Variants in RNF13 observed in about 807,000 individuals in gnomAD.
RNF13 encodes the protein E3 ubiquitin-protein ligase RNF13.
A neutral mutation model predicts 37.7 loss-of-function variants in RNF13; 19 were observed. The ratio of observed to expected loss-of-function variants is 0.50; its 90% CI spans 0.35 to 0.74. The LOEUF is 0.74. Among genes scored for constraint, RNF13 ranks in the 30% least tolerant of loss-of-function variants. The probability of loss-of-function intolerance (pLI) is 0.01; values close to 1 mark genes in which losing one functional copy is unlikely to be tolerated. For synonymous variants in RNF13, 144 were observed against 157.8 expected (o/e 0.91, Z 0.65); for missense variants, 375 against 453.0 (o/e 0.83, Z 1.56).
At position 149,839,817 on chromosome 3, in the gene RNF13, G is replaced by A. The variant is rs535330740; in HGVS notation, c.-16-6194G>A. Among the ~76,000 whole-genome samples the A allele has an allele frequency of 3.3e-5, 5 of 152,200 alleles. No homozygotes were observed. The East Asian group carries it at 5.8e-4, about 18-fold the overall frequency. On this transcript the variant is annotated intron_variant, in intron 1 of 9. Transcript: ENST00000392894. The stretch of plus-strand genomic sequence containing the variant: ...ATATTTCCGTTGTCTCCATTATTCC[G>A]AAAATGTATTTTTATTGTTGGTTTA...
At chr3:149,937,779 G>T (rs901849847) in intron 8 of RNF13, among the ~76,000 whole-genome samples, 3 of 152,024 alleles carry the variant, frequency 2.0e-5, no homozygotes, top group South Asian at 4.1e-4. Flanking sequence ...TAACTCCATT[G>T]TGCTCTGCAT....
At chr3:149,822,978 A>T (rs977008313) in intron 1 of RNF13, among the ~76,000 whole-genome samples, 1 of 152,118 alleles carries the variant, frequency 6.6e-6, no homozygotes, top group Admixed American at 6.5e-5. Context: ...TTTCATTATG[A>T]ATAGAAATGT....
At chr3:149,826,860 G>A (rs1392576784) in intron 1 of RNF13, among the ~76,000 whole-genome samples, 2 of 152,092 alleles carry the variant, frequency 1.3e-5, no homozygotes, top group Non-Finnish European at 1.5e-5. Context: ...GGGCTCAAAC[G>A]ATCCTCATGC....
intron 3 of RNF13, among the ~76,000 whole-genome samples, chr3:149,854,509 A>G (rs895891892): frequency 5.3e-5 from 8 of 152,238 alleles, no homozygotes; most frequent in African/African-American, 1.7e-4. Flanking sequence ...AATTCTTACA[A>G]TGGAATCCGC....
chr3:149,923,764 C>CAAAGAA (rs1718381009), intron 8 of RNF13, among the ~76,000 whole-genome samples: 1 of 55,002 alleles, frequency 1.8e-5, no homozygotes, highest in Non-Finnish European at 3.7e-5. Flanking sequence ...GACTCCATCT[C>CAAAGAA]AAAAAAAAAA....
chr3:149,824,401 T>G (rs543883768), intron 1 of RNF13, among the ~76,000 whole-genome samples: 1 of 152,236 alleles, frequency 6.6e-6, no homozygotes, highest in South Asian at 2.1e-4. Context: ...TCCTTAAAAA[T>G]GGAAGAGGGA....
At chr3:149,838,555 C>T (rs921667985) in intron 1 of RNF13, among the ~76,000 whole-genome samples, 5 of 152,218 alleles carry the variant, frequency 3.3e-5, no homozygotes, top group African/African-American at 1.2e-4. Context: ...TTGGGGCTTG[C>T]ATCCTCTGAA....
intron 4 of RNF13, among the ~76,000 whole-genome samples, chr3:149,889,334 T>TGTGTGTGTG (rs1559931534): frequency 6.9e-6 from 1 of 144,558 alleles, no homozygotes; most frequent in Non-Finnish European, 1.5e-5. Context: ...TGTCGGAGTC[T>TGTGTGTGTG]TGCTCTGTTG....
intron 1 of RNF13, among the ~76,000 whole-genome samples, chr3:149,840,328 CT>C (rs1021778601): frequency 3.3e-5 from 5 of 152,118 alleles, no homozygotes; most frequent in Non-Finnish European, 7.4e-5. Flanking sequence ...ATATTCTCTA[CT>C]TTGAACTTTC....
intron 4 of RNF13, among the ~76,000 whole-genome samples, chr3:149,884,664 T>G (rs1255760406): frequency 6.6e-6 from 1 of 152,128 alleles, no homozygotes; most frequent in Non-Finnish European, 1.5e-5. Flanking sequence ...ATACATGACA[T>G]TTTTTGATAC....
intron 8 of RNF13, among the ~76,000 whole-genome samples, chr3:149,959,727 AC>A (rs1351219187): frequency 6.6e-6 from 1 of 152,222 alleles, no homozygotes; most frequent in Non-Finnish European, 1.5e-5. Context: ...CTCAGTTTGA[AC>A]ATTTTAGTAG....
At chr3:149,832,545 G>C (rs1404714549) in intron 1 of RNF13, among the ~76,000 whole-genome samples, 1 of 152,020 alleles carries the variant, frequency 6.6e-6, no homozygotes, top group Non-Finnish European at 1.5e-5. Flanking sequence ...GTACCAGCCA[G>C]TTTGCTCATT....
intron 8 of RNF13, among the ~76,000 whole-genome samples, chr3:149,953,409 G>A (rs940108294): frequency 2.0e-5 from 3 of 152,162 alleles, no homozygotes; most frequent in African/African-American, 7.2e-5. Context: ...ATCTGCTATT[G>A]TGTAGCATTC....
At chr3:149,817,843 G>A (rs1719620530) in intron 1 of RNF13, among the ~76,000 whole-genome samples, 1 of 152,056 alleles carries the variant, frequency 6.6e-6, no homozygotes. Context: ...CAAGTGGGGG[G>A]CAAACACAGA....
At chr3:149,911,237 A>C (rs1716967537) in intron 6 of RNF13, among the ~76,000 whole-genome samples, 1 of 152,218 alleles carries the variant, frequency 6.6e-6, no homozygotes. Flanking sequence ...CTGACGCTAG[A>C]GTTTTTCCAT....
At chr3:149,840,859 T>C (rs913224809) in intron 1 of RNF13, among the ~76,000 whole-genome samples, 1 of 152,188 alleles carries the variant, frequency 6.6e-6, no homozygotes, top group Admixed American at 6.5e-5. Flanking sequence ...CTTACATTCA[T>C]TCAGATAAAC....
chr3:149,937,715 T>A (rs1719844091), intron 8 of RNF13, among the ~76,000 whole-genome samples: 1 of 150,764 alleles, frequency 6.6e-6, no homozygotes, highest in South Asian at 2.1e-4. Flanking sequence ...AATCTTCACA[T>A]GTTTGGGAAT....
chr3:149,907,711 A>G (rs1716568026), intron 6 of RNF13, among the ~76,000 whole-genome samples: 1 of 152,250 alleles, frequency 6.6e-6, no homozygotes. Flanking sequence ...GAAGGATTAA[A>G]CACATTAATA....
intron 3 of RNF13, among the ~76,000 whole-genome samples, chr3:149,853,449 AGAGAGG>A (rs1468509239): frequency 5.3e-5 from 6 of 114,078 alleles, no homozygotes; most frequent in Admixed American, 1.9e-4. Flanking sequence ...TGTGAGAGAG[AGAGAGG>A]GAGAGAGAGA....
Sources: allele counts gnomAD v4.1 joint callset (sites outside exome capture counted in the v4.1 genomes callset), GRCh38; gene constraint gnomAD v4.1.1; transcripts MANE v1.5; gene names NCBI Gene and HGNC (gene_info 2026-07-23, HGNC 2026-07-21).